Variants in MPPED1 observed in about 807,000 individuals in gnomAD.
MPPED1 encodes metallophosphoesterase domain containing 1.
Under a neutral mutation model 36.2 loss-of-function variants are expected in MPPED1, and 16 were observed. That is an observed-to-expected ratio of 0.44 (90% CI 0.30 to 0.67). The LOEUF (loss-of-function observed/expected upper bound fraction) is 0.67. Among genes scored for constraint, MPPED1 ranks in the 30% least tolerant of loss-of-function variants. The pLI, the probability that MPPED1 is intolerant of heterozygous loss-of-function variation, is 0.10. For synonymous variants in MPPED1, 199 were observed against 191.3 expected (o/e 1.04, Z -0.33); for missense variants, 307 against 453.4 (o/e 0.68, Z 2.93).
intron 3 of MPPED1, among the ~76,000 whole-genome samples, chr22:43,454,065 G>A (rs1930668425): frequency 6.6e-6 from 1 of 152,146 alleles, no homozygotes; most frequent in Non-Finnish European, 1.5e-5. Context: ...CTGGAGTGCA[G>A]TGGTGCGATC....
At chr22:43,484,892 G>A (rs529178458) in intron 4 of MPPED1, among the ~76,000 whole-genome samples, 22 of 152,146 alleles carry the variant, frequency 1.4e-4, no homozygotes, top group Non-Finnish European at 2.8e-4. Context: ...ACCCACCTCC[G>A]TCTCCTTCCC....
At position 43,435,053 on chromosome 22, in the gene MPPED1, G is replaced by A. The variant is rs779636377; in HGVS notation, c.244G>A (p.Asp82Asn). 6.2e-7 allele frequency: 1 copy of A among 1,613,692 alleles called. No homozygotes were observed. Among genetic ancestry groups the A allele is most frequent in the Non-Finnish European group, 8.5e-7 (1 of 1,179,850 alleles). ...HVQMVDPVPH[D>N]APKPPGYTRF... The stretch of plus-strand genomic sequence containing the variant: ...CTGCAGGGTGGACCCGGTGCCTCAC[G>A]ATGCCCCCAAACCTCCAGGCTACAC... Residue 82 changes from aspartate to asparagine, a missense_variant, in exon 3 of 7, where the codon GAT becomes AAT. Asp to Asn is a conservative substitution (Grantham distance 23). This residue lies in a region of MPPED1 where 169 missense variants were observed against 212.3 expected (regional missense o/e 0.80). Transcript: ENST00000443721.
intron 3 of MPPED1, among the ~76,000 whole-genome samples, chr22:43,447,220 C>A (rs1380085562): frequency 3.3e-5 from 5 of 152,132 alleles, no homozygotes. Flanking sequence ...GGAGAAATTG[C>A]TGGTTGGTTG....
intron 3 of MPPED1, among the ~76,000 whole-genome samples, chr22:43,461,181 T>C (rs1433007362): frequency 6.6e-6 from 1 of 152,108 alleles, no homozygotes; most frequent in African/African-American, 2.4e-5. Context: ...CTGGGCAATA[T>C]AGCGAAACCT....
chr22:43,412,185 GCGGGCGCGGGCGGGAGGC>G (rs1226450104), intron 1 of MPPED1, 27 bp downstream of exon 1: 23 of 975,376 alleles, frequency 2.4e-5, no homozygotes, highest in African/African-American at 7.1e-5. Flanking sequence ...GCGGGGCGCG[GCGGGCGCGGGCGGGAGGC>G]CGGGCGCGGG....
chr22:43,497,935 G>GTATATATATA (rs753427064), intron 4 of MPPED1, among the ~76,000 whole-genome samples: 12 of 128,372 alleles, frequency 9.3e-5, no homozygotes, highest in East Asian at 8.6e-4. Flanking sequence ...ATATGTATAT[G>GTATATATATA]TATATATATA....
intron 5 of MPPED1, among the ~76,000 whole-genome samples, chr22:43,499,932 G>GTGA (rs1555904855): frequency 1.1e-5 from 1 of 88,144 alleles, no homozygotes; most frequent in African/African-American, 5.1e-5. Flanking sequence ...GGTGGTGATG[G>GTGA]TGGAGGTGGT....
rs148977105 is a variant in MPPED1 at position 43,438,602 on chromosome 22, A to G, written c.406+3387A>G. On this transcript the variant is annotated intron_variant, in intron 3 of 6. Transcript: ENST00000443721. ...ACCTGGTGAGGGCTAAAGCTCCAGAATGTTCCAGAGTCGATGTCTGGGTGG... is the reference window on the plus strand; with the variant it reads ...ACCTGGTGAGGGCTAAAGCTCCAGAGTGTTCCAGAGTCGATGTCTGGGTGG... Among the ~76,000 whole-genome samples the G allele has an allele frequency of 1.1e-3, 164 of 152,142 alleles. 1 individual carries two copies. Among genetic ancestry groups the G allele is most frequent in the African/African-American group, 3.8e-3 (158 of 41,486 alleles).
At chr22:43,452,216 C>T (rs1930595849) in intron 3 of MPPED1, among the ~76,000 whole-genome samples, 1 of 151,996 alleles carries the variant, frequency 6.6e-6, no homozygotes, top group African/African-American at 2.4e-5. Flanking sequence ...TGGGGTTTCA[C>T]CATATTGGCC....
intron 2 of MPPED1, among the ~76,000 whole-genome samples, chr22:43,432,435 G>GAGAGAA (rs1929737817): frequency 8.2e-6 from 1 of 121,672 alleles, no homozygotes; most frequent in African/African-American, 3.1e-5. Context: ...AGAAAGGGAG[G>GAGAGAA]AGAGAAAGGG....
chr22:43,462,958 C>A (rs1055205067), intron 3 of MPPED1, among the ~76,000 whole-genome samples: 11 of 152,178 alleles, frequency 7.2e-5, no homozygotes, highest in African/African-American at 2.7e-4. Context: ...AAATATCTGG[C>A]AGACTTGCAT....
chr22:43,499,915 A>G (rs375378555), intron 5 of MPPED1, among the ~76,000 whole-genome samples: 6 of 6,914 alleles, frequency 8.7e-4, no homozygotes, highest in Non-Finnish European at 1.4e-3. Context: ...ATGGTGATGG[A>G]GGTGGTGGTG....
chr22:43,488,248 GC>G (rs1339340665), intron 4 of MPPED1, among the ~76,000 whole-genome samples: 1 of 151,544 alleles, frequency 6.6e-6, no homozygotes, highest in Admixed American at 6.6e-5. Flanking sequence ...ACTTCCCAGG[GC>G]CCCCCAAGGC....
At chr22:43,442,871 T>G (rs548640790) in intron 3 of MPPED1, among the ~76,000 whole-genome samples, 5 of 152,170 alleles carry the variant, frequency 3.3e-5, no homozygotes, top group Non-Finnish European at 1.5e-5. Context: ...GCCCCCAGCA[T>G]GGGTTAGTAG....
At position 43,440,669 on chromosome 22, in the gene MPPED1, C is replaced by T. The variant is rs34680523; in HGVS notation, c.406+5454C>T. Among the ~76,000 whole-genome samples, 59 of 152,234 alleles carry T rather than the reference C, an allele frequency of 3.9e-4. 2 individuals carry two copies. In the South Asian group the frequency reaches 0.012, roughly 32 times the overall value. On this transcript the variant is annotated intron_variant, in intron 3 of 6. Coordinates refer to ENST00000443721, the MANE Select transcript of MPPED1 (RefSeq NM_001044370.2). ...GGTGCCAGGCTGGCCTCCCCACCCC[C>T]AGCCACAGGAAGCCTGCAGCCTCCG...
chr22:43,487,913 G>A (rs1415273174), intron 4 of MPPED1, among the ~76,000 whole-genome samples: 2 of 152,154 alleles, frequency 1.3e-5, no homozygotes, highest in Non-Finnish European at 2.9e-5. Context: ...GGGCGGTGGG[G>A]CGGGTGGCGC....
intron 2 of MPPED1, among the ~76,000 whole-genome samples, chr22:43,429,368 C>T (rs1013028134): frequency 6.6e-5 from 10 of 152,216 alleles, no homozygotes; most frequent in African/African-American, 1.9e-4. Context: ...ACTCACACCC[C>T]GGCACTGCCT....
Position 43,412,144 on chromosome 22 carries a change from G to A in MPPED1, c.-93G>A. The A allele has an allele frequency of 1.0e-6, 1 of 979,900 alleles. No individual in the cohort carries two copies. The highest frequency in any genetic ancestry group is 1.2e-6 in the Non-Finnish European group (1 of 827,662). 60.7% of individuals were successfully genotyped at this position (979,900 alleles called of 1,614,324 possible). On this transcript the variant is annotated 5_prime_UTR_variant, in exon 1 of 7. Transcript: ENST00000443721. Reference sequence around the variant, plus strand: ...TCGCAGCCGCCGCGGCCGCCGAAGAGGAGCCCGGGGCCAGGTAGGACCGGA... The same window carrying A: ...TCGCAGCCGCCGCGGCCGCCGAAGAAGAGCCCGGGGCCAGGTAGGACCGGA...
intron 4 of MPPED1, among the ~76,000 whole-genome samples, chr22:43,495,835 AGTGGTGGTGGAGATGGTGGTG>A (rs1489205564): frequency 4.1e-3 from 11 of 2,666 alleles, no homozygotes; most frequent in African/African-American, 9.6e-3. Flanking sequence ...TGGTGGAGGT[AGTGGTGGTGGAGATGGTGGTG>A]GTGGTGGTGG....
Sources: allele counts gnomAD v4.1 joint callset (sites outside exome capture counted in the v4.1 genomes callset), GRCh38; gene constraint gnomAD v4.1.1; regional missense constraint gnomAD v4.1.1; transcripts MANE v1.5; gene names NCBI Gene and HGNC (gene_info 2026-07-23, HGNC 2026-07-21).